Variants in PREX1 observed in about 807,000 individuals in gnomAD.
The protein encoded by PREX1 is phosphatidylinositol 3,4,5-trisphosphate-dependent Rac exchanger 1 protein.
In PREX1, 41 loss-of-function variants were observed where a neutral mutation model predicts 198.3. The ratio of observed to expected loss-of-function variants is 0.21; its 90% CI spans 0.16 to 0.27. The LOEUF (loss-of-function observed/expected upper bound fraction) is 0.27. Among genes scored for constraint, PREX1 ranks in the 10% least tolerant of loss-of-function variants. The probability of loss-of-function intolerance (pLI) is 1.00; values close to 1 mark genes in which losing one functional copy is unlikely to be tolerated. For missense variants in PREX1, 1,620 were observed against 2,200.7 expected (o/e 0.74, Z 5.28); for synonymous variants, 843 against 887.2 (o/e 0.95, Z 0.89).
At chr20:48,631,523 T>TCCA (rs2089314383) in intron 35 of PREX1, among the ~76,000 whole-genome samples, 1 of 152,160 alleles carries the variant, frequency 6.6e-6, no homozygotes, top group Non-Finnish European at 1.5e-5. Context: ...CTCAGAGTAT[T>TCCA]CCACAGATGG....
At chr20:48,746,185 T>C (rs1452308177) in intron 2 of PREX1, among the ~76,000 whole-genome samples, 2 of 152,016 alleles carry the variant, frequency 1.3e-5, no homozygotes, top group East Asian at 3.9e-4. Context: ...CATGCCTGGC[T>C]AACTTTTTTT....
At chr20:48,838,203 C>T in the PREX1 span, among the ~76,000 whole-genome samples, 53 of 152,138 alleles carry the variant, frequency 3.5e-4, no homozygotes, top group Non-Finnish European at 1.3e-4. Context: ...TATTTCCTAA[C>T]CCACATGGTG....
Position 48,814,393 on chromosome 20 carries a change from G to A in PREX1, c.219+13249C>T, listed in dbSNP as rs559428093. On this transcript the variant is annotated intron_variant, in intron 1 of 39. Coordinates refer to ENST00000371941, the MANE Select transcript of PREX1 (RefSeq NM_020820.4). ...TCAAGAAGAAAATCAGTGCAGTGGCGTAGAGAAAGGGACTAGAAGGCTCTC... is the reference window on the plus strand; with the variant it reads ...TCAAGAAGAAAATCAGTGCAGTGGCATAGAGAAAGGGACTAGAAGGCTCTC... 5.9e-5 allele frequency among the ~76,000 whole-genome samples: 9 copies of A among 152,316 alleles called. No homozygotes were observed. The South Asian group carries it at 1.7e-3, about 28-fold the overall frequency.
chr20:48,730,842 T>A (rs1304141283), intron 4 of PREX1, among the ~76,000 whole-genome samples: 2 of 151,102 alleles, frequency 1.3e-5, no homozygotes, highest in African/African-American at 2.4e-5. Flanking sequence ...AAAAAAAAAA[T>A]TAAAAATTAG....
intron 10 of PREX1, among the ~76,000 whole-genome samples, chr20:48,682,683 T>A (rs966641676): frequency 1.4e-4 from 22 of 152,084 alleles, no homozygotes; most frequent in Non-Finnish European, 1.8e-4. Context: ...GACTGCCCGG[T>A]GGTGAGAGGC....
chr20:48,754,152 A>T (rs1399225019), intron 1 of PREX1, among the ~76,000 whole-genome samples: 1 of 152,210 alleles, frequency 6.6e-6, no homozygotes, highest in Non-Finnish European at 1.5e-5. Flanking sequence ...GGCAACTAGA[A>T]TAAGAACACC....
At chr20:48,861,175 C>T in the PREX1 span, among the ~76,000 whole-genome samples, 1 of 152,120 alleles carries the variant, frequency 6.6e-6, no homozygotes, top group African/African-American at 2.4e-5. Context: ...CTTTCAGTGA[C>T]ACTCTTTAGC....
Position 48,646,106 on chromosome 20 carries a change from T to A in PREX1, c.3306-49A>T, listed in dbSNP as rs771071183. The A allele has an allele frequency of 3.2e-6, 5 of 1,575,486 alleles. No individual in the cohort carries two copies. The South Asian group carries it at 5.5e-5, about 17-fold the overall frequency. On this transcript the variant is annotated intron_variant, in intron 25 of 39. Transcript: ENST00000371941. Reference sequence around the variant, plus strand: ...TCAAAGATACAGGCCTGGCCCTTTGTGTCCCTTCCCTGAAAATCCCACCAG... The same window carrying A: ...TCAAAGATACAGGCCTGGCCCTTTGAGTCCCTTCCCTGAAAATCCCACCAG...
rs1009541551 is a variant in PREX1, at chr20:48,632,298, T to C, written c.4505A>G (p.Gln1502Arg). The change falls in exon 35 of 40, where the codon CAG becomes CGG. Residue 1502 changes from glutamine to arginine, a missense_variant. This residue lies in a region of PREX1 where 476 missense variants were observed against 603.4 expected (regional missense o/e 0.79). Coordinates refer to ENST00000371941, the MANE Select transcript of PREX1 (RefSeq NM_020820.4). The stretch of plus-strand genomic sequence containing the variant: ...ATACCTGAGTTTGCGGTAATACTGC[T>C]GAACTTTCTCCAGGGACTGCGCGTT... Reference protein sequence around the residue: ...DINAQSLEKVQQYYRKLRAFY... With the variant: ...DINAQSLEKVRQYYRKLRAFY... The C allele has an allele frequency of 1.2e-6, 2 of 1,614,012 alleles. No homozygotes were observed. The highest frequency in any genetic ancestry group is 1.7e-5 in the Admixed American group (1 of 60,014).
chr20:48,882,527 G>T, the PREX1 span, among the ~76,000 whole-genome samples: 5 of 80,156 alleles, frequency 6.2e-5, no homozygotes, highest in Non-Finnish European at 1.0e-4. Flanking sequence ...AAAAAAAAAA[G>T]AGAGAATCTT....
chr20:48,765,017 C>G (rs2090202229), intron 1 of PREX1, among the ~76,000 whole-genome samples: 1 of 152,112 alleles, frequency 6.6e-6, no homozygotes, highest in Admixed American at 6.5e-5. Context: ...AGACCCAGTT[C>G]AGACTCCTGA....
At chr20:48,731,501 T>C (rs1202562916) in intron 4 of PREX1, among the ~76,000 whole-genome samples, 1 of 152,204 alleles carries the variant, frequency 6.6e-6, no homozygotes, top group Non-Finnish European at 1.5e-5. Context: ...TATAGGTGCT[T>C]AGTAAGAAGT....
intron 1 of PREX1, among the ~76,000 whole-genome samples, chr20:48,774,318 G>C (rs892390824): frequency 6.6e-6 from 1 of 152,254 alleles, no homozygotes; most frequent in African/African-American, 2.4e-5. Context: ...GCGGAGGCCT[G>C]AAGGCTGAGG....
chr20:48,884,133 C>T, the PREX1 span, among the ~76,000 whole-genome samples: 4 of 128,392 alleles, frequency 3.1e-5, no homozygotes, highest in Non-Finnish European at 6.8e-5. Flanking sequence ...AGCAAAACTC[C>T]GTCTAAAAAA....
At chr20:48,649,895 C>T in intron 24 of PREX1, 101 bp downstream of exon 24, 1 of 1,358,700 alleles carries the variant, frequency 7.4e-7, no homozygotes, top group Non-Finnish European at 1.0e-6. Context: ...GACCATGGAG[C>T]CGCCATTCCA....
chr20:48,660,342 C>T (rs1601054132), intron 15 of PREX1, among the ~76,000 whole-genome samples: 2 of 152,318 alleles, frequency 1.3e-5, no homozygotes, highest in South Asian at 2.1e-4. Context: ...TGTGGAAATG[C>T]AGTAGAAACA....
chr20:48,706,266 T>C (rs537946579), intron 6 of PREX1, among the ~76,000 whole-genome samples: 1 of 152,290 alleles, frequency 6.6e-6, no homozygotes, highest in Admixed American at 6.5e-5. Flanking sequence ...ACCCTCTCCT[T>C]TGGGGCCCAT....
chr20:48,629,416 C>T (rs1486238140), intron 37 of PREX1, 33 bp downstream of exon 37: 4 of 1,603,852 alleles, frequency 2.5e-6, no homozygotes, highest in East Asian at 2.2e-5. Context: ...GCCAGCCCCT[C>T]CCCACACCCC....
At chr20:48,703,928 G>A (rs760802150) in intron 6 of PREX1, among the ~76,000 whole-genome samples, 1 of 152,192 alleles carries the variant, frequency 6.6e-6, no homozygotes, top group Non-Finnish European at 1.5e-5. Flanking sequence ...ACAGGGAAGA[G>A]GCTGAGCACC....
Sources: gnomAD v4.1 joint callset for allele counts (sites outside exome capture counted in the v4.1 genomes callset) on GRCh38, gnomAD v4.1.1 for gene constraint, gnomAD v4.1.1 regional missense constraint, MANE v1.5 for transcripts, NCBI Gene and HGNC (gene_info 2026-07-23, HGNC 2026-07-21) for gene names.